The following TLL2 variants were observed in gnomAD, a reference collection of about 807,000 sequenced individuals.
TLL2 encodes tolloid like 2, also known as tolloid-like protein 2.
A neutral mutation model predicts 123.0 loss-of-function variants in TLL2; 106 were observed. That is an observed-to-expected ratio of 0.86 (90% CI 0.74 to 1.01). TLL2 has a LOEUF of 1.01. TLL2 is among the 50% of genes least tolerant of loss of function. The pLI is 0.00. For synonymous variants in TLL2, 494 were observed against 516.8 expected, an observed-to-expected ratio of 0.96 and a Z score of 0.60; for missense variants, 1,332 against 1,336.7, an observed-to-expected ratio of 1.00 and a Z score of 0.06.
At chr10:96,504,876 C>T (rs896503677) in intron 1 of TLL2, among the ~76,000 whole-genome samples, 17 of 151,984 alleles carry the variant, frequency 1.1e-4, no homozygotes, top group Admixed American at 5.2e-4. Flanking sequence ...GGCGTGGTGG[C>T]GGGCGCCTGT....
At chr10:96,416,159 G>A (rs1846558808) in intron 7 of TLL2, among the ~76,000 whole-genome samples, 1 of 152,100 alleles carries the variant, frequency 6.6e-6, no homozygotes, top group Admixed American at 6.5e-5. Context: ...CCAAAAACAG[G>A]CACTTCTGCC....
intron 2 of TLL2, among the ~76,000 whole-genome samples, chr10:96,449,563 C>A (rs947003594): frequency 8.5e-5 from 13 of 152,330 alleles, no homozygotes; most frequent in African/African-American, 2.6e-4. Context: ...GGGGACCTAC[C>A]TGGAGTTAAT....
Position 96,428,757 on chromosome 10 carries a change from A to C in TLL2, c.521-9T>G. The C allele has an allele frequency of 2.6e-6, 4 of 1,564,826 alleles. No homozygotes were observed. The highest frequency in any genetic ancestry group is 3.5e-6 in the Non-Finnish European group (4 of 1,137,382). On this transcript the variant is annotated splice_polypyrimidine_tract_variant and intron_variant, in intron 4 of 20. Transcript: ENST00000357947. ...AATGGCCCTCTGGCTCCCTGAAACA[A>C]CAGGGCAAGCACTCGACTTCAATGA...
chr10:96,498,802 G>C (rs1367838621), intron 1 of TLL2, among the ~76,000 whole-genome samples: 1 of 152,156 alleles, frequency 6.6e-6, no homozygotes, highest in Non-Finnish European at 1.5e-5. Flanking sequence ...TTGACCATGA[G>C]GACAAGGACC....
Position 96,386,069 on chromosome 10 carries a change from G to A in TLL2, c.1999C>T (p.Leu667=), listed in dbSNP as rs763303533. ...RISLQFEVFE[L]EGNDVCKYDF... ...TGGAGACATACGTCATTGCCTTCCAGTTCAAACACTTCAAACTGAAGGGAG... is the reference window on the plus strand; with the variant it reads ...TGGAGACATACGTCATTGCCTTCCAATTCAAACACTTCAAACTGAAGGGAG... Residue 667 remains leucine (L), a synonymous_variant, in exon 15 of 21, where the codon CTG becomes TTG. Coordinates refer to ENST00000357947, the MANE Select transcript of TLL2 (RefSeq NM_012465.4). 6.9e-6 allele frequency: 11 copies of A among 1,604,182 alleles called. No individual in the cohort carries two copies. In the Admixed American group the frequency reaches 1.4e-4, roughly 20 times the overall value.
chr10:96,395,732 G>T, intron 12 of TLL2, 143 bp downstream of exon 12: 1 of 1,058,952 alleles, frequency 9.4e-7, no homozygotes, highest in Non-Finnish European at 1.3e-6. Flanking sequence ...GATGTCAGAT[G>T]TCCGGGCACA....
Position 96,480,401 on chromosome 10 carries a change from G to A in TLL2, c.234C>T (p.Asp78=), listed in dbSNP as rs1847301022. 6.2e-7 allele frequency: 1 copy of A among 1,614,206 alleles called. No individual in the cohort carries two copies. ...TCTGCTTGGTCCAGTCTCTGGCTTT[G>A]TCAATGTGAAACAGCTTCAAGTCAT... The part of the protein sequence containing the change: ...DEDDLKLFHI[D]KARDWTKQTV... The change falls in exon 2 of 21, where the codon GAC becomes GAT. Residue 78 remains aspartate, a synonymous_variant. Transcript: ENST00000357947.
rs561937714 is a variant in TLL2 at position 96,492,389 on chromosome 10, C to T, written c.176-11930G>A. ...CTCTAATCCCAGCACTTTGGGAGGC[C>T]GAGGTGGGTGGGTCACCTGAGGTCA... On this transcript the variant is annotated intron_variant, in intron 1 of 20. Coordinates refer to ENST00000357947, the MANE Select transcript of TLL2 (RefSeq NM_012465.4). 7.2e-5 allele frequency among the ~76,000 whole-genome samples: 11 copies of T among 152,252 alleles called. No individual in the cohort carries two copies. In the South Asian group the frequency reaches 1.0e-3, roughly 14 times the overall value.
At chr10:96,373,874 T>A in intron 18 of TLL2, 65 bp from the exon 19 acceptor site, 1 of 1,490,090 alleles carries the variant, frequency 6.7e-7, no homozygotes, top group South Asian at 1.2e-5. Context: ...GGGCCTCCTT[T>A]CCAGTTCTGG....
intron 1 of TLL2, among the ~76,000 whole-genome samples, chr10:96,494,223 GGGT>G (rs1847447286): frequency 1.3e-5 from 2 of 152,356 alleles, no homozygotes; most frequent in South Asian, 4.1e-4. Context: ...GGGATTTTAG[GGGT>G]GGTGAACGGC....
chr10:96,466,280 C>T (rs1055240557), intron 2 of TLL2, among the ~76,000 whole-genome samples: 4 of 152,126 alleles, frequency 2.6e-5, no homozygotes, highest in Non-Finnish European at 4.4e-5. Flanking sequence ...TTAAAGAGGA[C>T]CAAAGAGAAA....
chr10:96,394,314 G>A (rs927624744), intron 13 of TLL2, among the ~76,000 whole-genome samples: 5 of 152,206 alleles, frequency 3.3e-5, no homozygotes, highest in Admixed American at 6.5e-5. Flanking sequence ...GCTCCTGGGC[G>A]CCCAGGCCCA....
chr10:96,455,185 C>T (rs1847000234), intron 2 of TLL2, among the ~76,000 whole-genome samples: 3 of 151,982 alleles, frequency 2.0e-5, no homozygotes, highest in Non-Finnish European at 4.4e-5. Context: ...GCCATGATCG[C>T]ACCACTGCAT....
chr10:96,371,940 C>A (rs1257751227), intron 19 of TLL2, among the ~76,000 whole-genome samples: 3 of 152,194 alleles, frequency 2.0e-5, no homozygotes, highest in Admixed American at 6.5e-5. Context: ...GAACTGCTCC[C>A]TCCTCTCATC....
chr10:96,386,229 A>G lies in TLL2; in HGVS notation c.1853-14T>C. On this transcript the variant is annotated splice_polypyrimidine_tract_variant and intron_variant, in intron 14 of 20. Transcript: ENST00000357947. ...CGCCACAGGCCACTGCACGGGGGAA[A>G]CAGAAACAGGATTCATTTGGCTTTG... 6.4e-7 allele frequency: 1 copy of G among 1,550,836 alleles called. No homozygotes were observed. The highest frequency in any genetic ancestry group is 8.7e-7 in the Non-Finnish European group (1 of 1,146,914).
intron 3 of TLL2, among the ~76,000 whole-genome samples, chr10:96,445,418 C>G (rs778044633): frequency 8.5e-5 from 13 of 152,184 alleles, no homozygotes; most frequent in Non-Finnish European, 1.9e-4. Context: ...GTCTGAGCAT[C>G]TGCATATAGA....
At position 96,367,083 on chromosome 10, in the gene TLL2, T is replaced by A. The variant is rs1424675795; in HGVS notation, c.*1005A>T. ...CTGATTGACTTGTTCCACAAGGCGA[T>A]GATTCTTACATAACTTATAATTAAC... On this transcript the variant is annotated 3_prime_UTR_variant, in exon 21 of 21. Coordinates refer to ENST00000357947, the MANE Select transcript of TLL2 (RefSeq NM_012465.4). The A allele has an allele frequency of 2.0e-5, 3 of 152,312 alleles. No individual in the cohort carries two copies. Among genetic ancestry groups the A allele is most frequent in the Non-Finnish European group, 4.4e-5 (3 of 68,046 alleles). The allele number at this position is 152,312 out of a possible 1,614,324, so 9.4% of individuals were successfully genotyped here.
intron 10 of TLL2, among the ~76,000 whole-genome samples, chr10:96,398,311 A>G (rs919305579): frequency 1.3e-5 from 2 of 152,212 alleles, no homozygotes; most frequent in African/African-American, 4.8e-5. Flanking sequence ...GTATCTGGAT[A>G]GAGGACTCAT....
At chr10:96,380,953 G>A (rs1846181736) in intron 16 of TLL2, among the ~76,000 whole-genome samples, 1 of 151,454 alleles carries the variant, frequency 6.6e-6, no homozygotes, top group Non-Finnish European at 1.5e-5. Context: ...CTCCAGCCTG[G>A]GCAACAAGAG....
Sources: allele counts gnomAD v4.1 joint callset (sites outside exome capture counted in the v4.1 genomes callset), GRCh38; gene constraint gnomAD v4.1.1; transcripts MANE v1.5; gene names NCBI Gene and HGNC (gene_info 2026-07-23, HGNC 2026-07-21).